The following IQCM variants were observed in gnomAD, a reference collection of about 807,000 sequenced individuals.
IQCM encodes the protein IQ motif containing M.
A neutral mutation model predicts 57.6 loss-of-function variants in IQCM; 45 were observed. The observed-to-expected ratio is 0.78, with a 90% CI of 0.62 to 1.00. The LOEUF is 1.00. IQCM is among the 50% of genes least tolerant of loss of function. IQCM has a pLI of 0.00. For synonymous variants in IQCM, 148 were observed against 158.9 expected (o/e 0.93, Z 0.51); for missense variants, 468 against 511.6 (o/e 0.91, Z 0.82).
At chr4:149,637,146 T>A (rs1757794209) in intron 7 of IQCM, among the ~76,000 whole-genome samples, 1 of 117,764 alleles carries the variant, frequency 8.5e-6, no homozygotes. Flanking sequence ...CGAGACTCCG[T>A]CTCAAAAAAA....
At chr4:149,452,663 T>C (rs960265536) in intron 12 of IQCM, among the ~76,000 whole-genome samples, 8 of 151,630 alleles carry the variant, frequency 5.3e-5, no homozygotes, top group Non-Finnish European at 1.2e-4. Flanking sequence ...TGTATACCCA[T>C]GAAACTATCA....
At chr4:149,494,039 C>CTT (rs561059864) in intron 12 of IQCM, among the ~76,000 whole-genome samples, 1 of 142,658 alleles carries the variant, frequency 7.0e-6, no homozygotes. Flanking sequence ...CAAGTCTTTT[C>CTT]TTTTTTTTTT....
At chr4:149,378,849 C>G (rs1266402118) in intron 13 of IQCM, among the ~76,000 whole-genome samples, 1 of 152,148 alleles carries the variant, frequency 6.6e-6, no homozygotes, top group Non-Finnish European at 1.5e-5. Flanking sequence ...ATATCAGAGA[C>G]CTTTACAACA....
chr4:149,361,951 G>A (rs781577006), intron 13 of IQCM, among the ~76,000 whole-genome samples: 2 of 152,144 alleles, frequency 1.3e-5, no homozygotes, highest in Non-Finnish European at 2.9e-5. Flanking sequence ...AGCCAGGAGG[G>A]AGGCTGTACC....
intron 12 of IQCM, among the ~76,000 whole-genome samples, chr4:149,540,819 A>T (rs1231136085): frequency 6.6e-6 from 1 of 152,142 alleles, no homozygotes; most frequent in Non-Finnish European, 1.5e-5. Flanking sequence ...TCTCAAACAT[A>T]AAGTTGCCAG....
At chr4:149,695,919 G>C (rs988595441) in intron 5 of IQCM, among the ~76,000 whole-genome samples, 4 of 152,084 alleles carry the variant, frequency 2.6e-5, no homozygotes, top group Non-Finnish European at 5.9e-5. Context: ...TGGTTGTGAA[G>C]GTTTGGGCTA....
intron 13 of IQCM, among the ~76,000 whole-genome samples, chr4:149,403,575 A>G (rs1732770047): frequency 6.6e-6 from 1 of 151,800 alleles, no homozygotes. Context: ...ACTTTAGGCC[A>G]ATTTTTCACT....
chr4:149,789,490 T>G (rs1772378418), intron 2 of IQCM, among the ~76,000 whole-genome samples: 1 of 152,144 alleles, frequency 6.6e-6, no homozygotes, highest in South Asian at 2.1e-4. Flanking sequence ...AAATTTATCA[T>G]CTCAATATTA....
intron 13 of IQCM, among the ~76,000 whole-genome samples, chr4:149,398,090 C>T (rs1681051890): frequency 6.6e-6 from 1 of 151,944 alleles, no homozygotes; most frequent in Non-Finnish European, 1.5e-5. Flanking sequence ...GAAAAATAGG[C>T]ACAATTTCAT....
chr4:149,595,815 G>A (rs1192233321), intron 8 of IQCM, among the ~76,000 whole-genome samples: 1 of 152,120 alleles, frequency 6.6e-6, no homozygotes, highest in Non-Finnish European at 1.5e-5. Flanking sequence ...TGGGAGTTAT[G>A]CAAAATCTTC....
chr4:149,782,435 C>T (rs116590704), intron 2 of IQCM, among the ~76,000 whole-genome samples: 3,393 of 151,766 alleles, frequency 0.022, 65 homozygotes, highest in South Asian at 0.036. Context: ...CAAAGTGAGA[C>T]TCTCTCTCTC....
chr4:149,719,359 G>C (rs555729164), intron 5 of IQCM, among the ~76,000 whole-genome samples: 259 of 148,480 alleles, frequency 1.7e-3, no homozygotes, highest in African/African-American at 5.2e-3. Flanking sequence ...AAAAAAAAAA[G>C]AAAAAAGAAA....
intron 12 of IQCM, among the ~76,000 whole-genome samples, chr4:149,436,554 C>A (rs1381138569): frequency 6.6e-6 from 1 of 152,066 alleles, no homozygotes; most frequent in African/African-American, 2.4e-5. Flanking sequence ...TACCTTCTTT[C>A]ATAATTGCAT....
intron 12 of IQCM, among the ~76,000 whole-genome samples, chr4:149,439,171 T>G (rs539835571): frequency 6.6e-6 from 1 of 152,182 alleles, no homozygotes; most frequent in Admixed American, 6.5e-5. Flanking sequence ...AATGCCATTT[T>G]AGAGTAGAAA....
intron 12 of IQCM, among the ~76,000 whole-genome samples, chr4:149,450,497 G>A (rs1057194624): frequency 4.0e-5 from 6 of 151,482 alleles, no homozygotes; most frequent in African/African-American, 4.8e-5. Flanking sequence ...TACACAATGG[G>A]CTCAAACTCT....
chr4:149,768,049 G>A (rs753309217), intron 2 of IQCM, among the ~76,000 whole-genome samples: 11 of 152,010 alleles, frequency 7.2e-5, no homozygotes, highest in Non-Finnish European at 1.6e-4. Flanking sequence ...TCAGTTCCAC[G>A]TCTCACGTAA....
chr4:149,809,500 G>T (rs776646155), intron 2 of IQCM, among the ~76,000 whole-genome samples: 14 of 152,230 alleles, frequency 9.2e-5, no homozygotes, highest in Non-Finnish European at 1.9e-4. Flanking sequence ...TTTGAAAATA[G>T]TATTTGAATA....
intron 5 of IQCM, among the ~76,000 whole-genome samples, chr4:149,707,807 A>T (rs1453832950): frequency 6.6e-6 from 1 of 152,024 alleles, no homozygotes; most frequent in African/African-American, 2.4e-5. Flanking sequence ...TAGCTTGTAA[A>T]TATGGGGAAA....
intron 10 of IQCM, among the ~76,000 whole-genome samples, chr4:149,554,404 C>T (rs937102817): frequency 1.3e-5 from 2 of 151,968 alleles, no homozygotes; most frequent in Non-Finnish European, 2.9e-5. Flanking sequence ...TGCACCTCTG[C>T]CTCCTGAGTT....
Sources: allele counts gnomAD v4.1 joint callset (sites outside exome capture counted in the v4.1 genomes callset), GRCh38; gene constraint gnomAD v4.1.1; transcripts MANE v1.5; gene names NCBI Gene and HGNC (gene_info 2026-07-23, HGNC 2026-07-21).